Variants in THADA observed in about 807,000 individuals in gnomAD.
The protein encoded by THADA is tRNA (32-2'-O)-methyltransferase regulator THADA.
THADA carries 213 observed loss-of-function variants against 219.8 expected under a neutral mutation model. The observed-to-expected ratio is 0.97, with a 90% confidence interval of 0.87 to 1.09. The LOEUF (loss-of-function observed/expected upper bound fraction) is 1.09, where lower values mean the gene tolerates loss of function less well. Ranked by LOEUF, THADA falls within the 50% of genes least tolerant of loss-of-function variation. THADA has a pLI of 0.00. For synonymous variants in THADA, 1,018 were observed against 828.9 expected (o/e 1.23, Z -3.92); for missense variants, 2,956 against 2,311.3 (o/e 1.28, Z -5.72).
intron 21 of THADA, among the ~76,000 whole-genome samples, chr2:43,529,953 T>C (rs1274257259): frequency 1.3e-5 from 2 of 152,214 alleles, no homozygotes; most frequent in East Asian, 3.9e-4. Context: ...ACTGAAAAGC[T>C]CAGAACAGGC....
chr2:43,556,280 A>T (rs1333786251), intron 17 of THADA, 65 bp downstream of exon 17: 15 of 1,580,948 alleles, frequency 9.5e-6, no homozygotes, highest in African/African-American at 1.4e-5. Context: ...ACCATTAGAT[A>T]TTCTAACCAA....
chr2:43,549,456 A>C (rs1696492353), intron 19 of THADA, 88 bp from the exon 20 acceptor site: 2 of 1,295,646 alleles, frequency 1.5e-6, no homozygotes, highest in African/African-American at 3.1e-5. Flanking sequence ...AAAATCTATA[A>C]TTTTCAATAC....
At chr2:43,395,291 C>G (rs910680761) in intron 29 of THADA, among the ~76,000 whole-genome samples, 2 of 152,228 alleles carry the variant, frequency 1.3e-5, no homozygotes, top group Admixed American at 6.5e-5. Flanking sequence ...TATTCCTCAT[C>G]ATTCCAGCCC....
At chr2:43,589,843 TA>T (rs937431826) in intron 4 of THADA, among the ~76,000 whole-genome samples, 1 of 150,128 alleles carries the variant, frequency 6.7e-6, no homozygotes, top group Admixed American at 6.6e-5. Context: ...AATTAAAATT[TA>T]AAAAAAAAGA....
At chr2:43,421,286 T>C (rs1047124897) in intron 28 of THADA, among the ~76,000 whole-genome samples, 1 of 152,094 alleles carries the variant, frequency 6.6e-6, no homozygotes, top group African/African-American at 2.4e-5. Flanking sequence ...GCAGAACCCT[T>C]TTTTCACCCA....
chr2:43,253,985 C>T (rs1018192763), intron 36 of THADA, among the ~76,000 whole-genome samples: 1 of 152,050 alleles, frequency 6.6e-6, no homozygotes, highest in Non-Finnish European at 1.5e-5. Flanking sequence ...GAGACCCAGC[C>T]CCTCCACACC....
intron 26 of THADA, among the ~76,000 whole-genome samples, chr2:43,460,394 A>G (rs966485920): frequency 6.6e-6 from 1 of 152,122 alleles, no homozygotes; most frequent in Non-Finnish European, 1.5e-5. Flanking sequence ...TATTCTGTCC[A>G]TGCAAAGATT....
At chr2:43,463,628 C>G (rs764614010) in intron 26 of THADA, among the ~76,000 whole-genome samples, 2 of 152,138 alleles carry the variant, frequency 1.3e-5, no homozygotes, top group Non-Finnish European at 2.9e-5. Context: ...ATTTTGCTTA[C>G]TGTTCTGGAA....
chr2:43,335,555 G>A (rs1273107109), intron 30 of THADA, among the ~76,000 whole-genome samples: 17 of 152,126 alleles, frequency 1.1e-4, no homozygotes, highest in Admixed American at 8.5e-4. Context: ...CTGAAGTAGT[G>A]GTTTTAATAT....
intron 29 of THADA, among the ~76,000 whole-genome samples, chr2:43,347,037 A>T (rs1373991969): frequency 2.6e-5 from 4 of 151,990 alleles, no homozygotes; most frequent in Non-Finnish European, 5.9e-5. Context: ...TGGAACGGAG[A>T]GCTGAATCAC....
At chr2:43,336,634 G>A (rs1666474017) in intron 30 of THADA, among the ~76,000 whole-genome samples, 1 of 151,790 alleles carries the variant, frequency 6.6e-6, no homozygotes, top group Non-Finnish European at 1.5e-5. Flanking sequence ...CCACACCACA[G>A]TATCAGGTTT....
chr2:43,508,699 T>C lies in THADA; in HGVS notation c.3456A>G (p.Ser1152=). The change falls in exon 23 of 38, where the codon TCA becomes TCG. Residue 1152 remains serine, a synonymous_variant. Coordinates refer to ENST00000405975, the MANE Select transcript of THADA (RefSeq NM_022065.5). ...VLEEIKCSDP[S]SKLCATRRSA... The stretch of plus-strand genomic sequence containing the variant: ...TGCGCCTTGTAGCACAGAGTTTAGA[T>C]GAAGGATCACTGCATTTAATTTCCT... The C allele has an allele frequency of 6.2e-7, 1 of 1,613,742 alleles. No individual in the cohort carries two copies. Among genetic ancestry groups the C allele is most frequent in the South Asian group, 1.1e-5 (1 of 91,066 alleles).
At chr2:43,373,341 A>G (rs899641128) in intron 29 of THADA, among the ~76,000 whole-genome samples, 4 of 152,244 alleles carry the variant, frequency 2.6e-5, no homozygotes, top group Admixed American at 6.5e-5. Flanking sequence ...AAAGACTACT[A>G]GAACTGCTTA....
Position 43,231,151 on chromosome 2 carries a change from T to TGAAGAACTGAGACAGGAGGTGGCAGTA in THADA, c.5658_5659insTACTGCCACCTCCTGTCTCAGTTCTTC (p.Phe1886_Arg1887insTyrCysHisLeuLeuSerGlnPhePhe). ...AACTCAGCAGCTGGTGGAAGCTCTC[T>TGAAGAACTGAGACAGGAGGTGGCAGTA]GAAGAACTGAGACAGGAGGTGGCAC... On this transcript the variant is annotated inframe_insertion, in exon 38 of 38. Coordinates refer to ENST00000405975, the MANE Select transcript of THADA (RefSeq NM_022065.5). 1.9e-6 allele frequency: 3 copies of TGAAGAACTGAGACAGGAGGTGGCAGTA among 1,613,918 alleles called. No individual in the cohort carries two copies. Among genetic ancestry groups the TGAAGAACTGAGACAGGAGGTGGCAGTA allele is most frequent in the Non-Finnish European group, 2.5e-6 (3 of 1,179,838 alleles).
chr2:43,592,007 A>T lies in THADA; in HGVS notation c.116T>A (p.Leu39Gln), dbSNP rs746311398. 1.3e-6 allele frequency: 2 copies of T among 1,563,860 alleles called. No homozygotes were observed. The highest frequency in any genetic ancestry group is 1.7e-6 in the Non-Finnish European group (2 of 1,152,748). Residue 39 changes from leucine to glutamine, a missense_variant, in exon 3 of 38, where the codon CTG (leucine) becomes CAG (glutamine). Transcript: ENST00000405975. ...DVEGKNLASL[L>Q]LHCVQLTDGV... ...ATCCGTGAGTTGCACACAATGTAAC[A>T]GCAAAGAAGCTAGATTTTTCCCTTC...
chr2:43,366,070 C>A, intron 29 of THADA, among the ~76,000 whole-genome samples: 1 of 152,330 alleles, frequency 6.6e-6, no homozygotes, highest in South Asian at 2.1e-4. Flanking sequence ...GAGACAGTAT[C>A]TTTGTGTCAC....
intron 36 of THADA, among the ~76,000 whole-genome samples, chr2:43,244,490 T>C (rs1668933157): frequency 6.6e-6 from 1 of 152,246 alleles, no homozygotes; most frequent in Non-Finnish European, 1.5e-5. Context: ...TCCTGTTTCC[T>C]GTGGCAATCT....
At chr2:43,353,228 T>C (rs992848657) in intron 29 of THADA, among the ~76,000 whole-genome samples, 5 of 152,226 alleles carry the variant, frequency 3.3e-5, no homozygotes, top group African/African-American at 9.7e-5. Flanking sequence ...GATGGTTCTA[T>C]TTGTAATTTC....
chr2:43,371,720 T>C (rs1311704405), intron 29 of THADA, among the ~76,000 whole-genome samples: 4 of 152,192 alleles, frequency 2.6e-5, no homozygotes, highest in Non-Finnish European at 5.9e-5. Context: ...CCTTCACAGT[T>C]TCTTCAACTA....
Sources: allele counts gnomAD v4.1 joint callset (sites outside exome capture counted in the v4.1 genomes callset), GRCh38; gene constraint gnomAD v4.1.1; transcripts MANE v1.5; gene names NCBI Gene and HGNC (gene_info 2026-07-23, HGNC 2026-07-21).